The following SPATA16 variants were observed in gnomAD, a reference collection of about 807,000 sequenced individuals.
SPATA16 encodes spermatogenesis associated 16.
In SPATA16, 36 loss-of-function variants were observed where a neutral mutation model predicts 63.3. The observed-to-expected ratio is 0.57, with a 90% CI of 0.44 to 0.75. The LOEUF (loss-of-function observed/expected upper bound fraction) is 0.75, where lower values mean the gene tolerates loss of function less well. Among genes scored for constraint, SPATA16 ranks in the 30% least tolerant of loss-of-function variants. The pLI, the probability that SPATA16 is intolerant of heterozygous loss-of-function variation, is 0.00. For missense variants in SPATA16, 646 were observed against 679.3 expected, an observed-to-expected ratio of 0.95 and a Z score of 0.54; for synonymous variants, 203 against 216.7, an observed-to-expected ratio of 0.94 and a Z score of 0.56.
chr3:173,088,006 C>CTTT (rs1229811282), intron 2 of SPATA16, among the ~76,000 whole-genome samples: 2 of 132,918 alleles, frequency 1.5e-5, no homozygotes, highest in African/African-American at 3.5e-5. Flanking sequence ...CATTTTCTTT[C>CTTT]CGTCTTTCTT....
intron 2 of SPATA16, among the ~76,000 whole-genome samples, chr3:173,088,983 C>T (rs1056406674): frequency 2.6e-5 from 4 of 152,100 alleles, no homozygotes. Context: ...TCAAAGCTGT[C>T]CAAGGATGAA....
chr3:173,005,001 TG>T (rs1246871946), intron 4 of SPATA16, among the ~76,000 whole-genome samples: 1 of 152,234 alleles, frequency 6.6e-6, no homozygotes, highest in Non-Finnish European at 1.5e-5. Flanking sequence ...TATGCTTAAT[TG>T]GTTCTCTACA....
chr3:173,119,657 T>A (rs555013430), intron 1 of SPATA16, among the ~76,000 whole-genome samples: 8 of 152,304 alleles, frequency 5.3e-5, no homozygotes, highest in African/African-American at 1.9e-4. Flanking sequence ...AACATTTAAG[T>A]TTGAAATTTT....
intron 2 of SPATA16, among the ~76,000 whole-genome samples, chr3:173,059,331 A>T (rs1368376002): frequency 4.6e-5 from 6 of 129,096 alleles, no homozygotes; most frequent in South Asian, 2.5e-4. Flanking sequence ...TAGTTCTTTT[A>T]CTAATGTCTT....
At chr3:173,069,866 C>T (rs749537374) in intron 2 of SPATA16, among the ~76,000 whole-genome samples, 2 of 151,918 alleles carry the variant, frequency 1.3e-5, no homozygotes, top group Non-Finnish European at 2.9e-5. Flanking sequence ...ACCATATCAA[C>T]TTAATAAAGG....
intron 4 of SPATA16, among the ~76,000 whole-genome samples, chr3:173,008,528 C>A (rs4510406): frequency 0.35 from 52,701 of 152,016 alleles, 11,370 homozygotes; most frequent in African/African-American, 0.59. Flanking sequence ...AATGATATTA[C>A]TTGTTTAAAA....
intron 6 of SPATA16, among the ~76,000 whole-genome samples, chr3:172,946,226 GGCA>G (rs1733283313): frequency 6.6e-6 from 1 of 152,172 alleles, no homozygotes; most frequent in African/African-American, 2.4e-5. Context: ...GTACTCACCG[GGCA>G]CCTTGGGTGA....
At chr3:173,105,745 CTTCCTCCCTCCCTCTT>C (rs1438084001) in intron 2 of SPATA16, among the ~76,000 whole-genome samples, 1 of 151,782 alleles carries the variant, frequency 6.6e-6, no homozygotes. Context: ...GCAAATTTTC[CTTCCTCCCTCCCTCTT>C]TTCCTCCCTC....
intron 10 of SPATA16, among the ~76,000 whole-genome samples, 185 bp from the exon 11 acceptor site, chr3:172,889,877 T>C (rs1305977053): frequency 1.3e-5 from 2 of 152,214 alleles, no homozygotes; most frequent in Non-Finnish European, 2.9e-5. Context: ...CTCCCTGTTT[T>C]ACTAACTTAA....
At chr3:172,951,901 C>T (rs1733442752) in intron 6 of SPATA16, among the ~76,000 whole-genome samples, 1 of 152,168 alleles carries the variant, frequency 6.6e-6, no homozygotes, top group African/African-American at 2.4e-5. Context: ...ACTCTTCATC[C>T]AAAATCTTCA....
chr3:173,122,971 C>A (rs1368087221), intron 1 of SPATA16, among the ~76,000 whole-genome samples: 1 of 152,170 alleles, frequency 6.6e-6, no homozygotes, highest in Non-Finnish European at 1.5e-5. Context: ...AATGGACATA[C>A]TTCTGTAAGA....
intron 2 of SPATA16, among the ~76,000 whole-genome samples, chr3:173,073,627 T>C (rs1736723347): frequency 6.6e-6 from 1 of 152,158 alleles, no homozygotes; most frequent in African/African-American, 2.4e-5. Context: ...TTAGAGGATG[T>C]ATGGAAATGC....
intron 1 of SPATA16, among the ~76,000 whole-genome samples, chr3:173,120,087 C>T (rs935356323): frequency 8.1e-6 from 1 of 122,704 alleles, no homozygotes; most frequent in African/African-American, 2.8e-5. Flanking sequence ...AACTCCATCT[C>T]AAAAAAAAAA....
At chr3:173,091,368 G>A (rs1390565911) in intron 2 of SPATA16, among the ~76,000 whole-genome samples, 1 of 151,138 alleles carries the variant, frequency 6.6e-6, no homozygotes, top group Non-Finnish European at 1.5e-5. Context: ...GTCATTACTT[G>A]CTCTTCCAAT....
chr3:173,062,630 G>A (rs1283962371), intron 2 of SPATA16, among the ~76,000 whole-genome samples: 1 of 152,138 alleles, frequency 6.6e-6, no homozygotes, highest in Non-Finnish European at 1.5e-5. Flanking sequence ...CAGGTTTGCT[G>A]TCTCATTTAG....
chr3:172,936,716 TA>T (rs949607479), intron 6 of SPATA16, among the ~76,000 whole-genome samples: 20 of 152,228 alleles, frequency 1.3e-4, no homozygotes, highest in African/African-American at 3.4e-4. Flanking sequence ...TTTATTTATT[TA>T]TTTTTTTTGA....
chr3:172,926,519 T>C (rs1732741191), intron 6 of SPATA16, among the ~76,000 whole-genome samples: 1 of 152,208 alleles, frequency 6.6e-6, no homozygotes, highest in South Asian at 2.1e-4. Context: ...AGATGGGAAG[T>C]AACTTGCCCA....
intron 10 of SPATA16, among the ~76,000 whole-genome samples, chr3:172,911,354 G>T (rs192074562): frequency 1.2e-4 from 18 of 152,274 alleles, no homozygotes; most frequent in Non-Finnish European, 2.4e-4. Flanking sequence ...GCACCTTCTA[G>T]TGGGGAGTCT....
intron 7 of SPATA16, among the ~76,000 whole-genome samples, chr3:172,924,990 T>C (rs1732695028): frequency 6.6e-6 from 1 of 152,162 alleles, no homozygotes. Flanking sequence ...ATACAAGTAA[T>C]TTAAGATTGT....
Sources: allele counts gnomAD v4.1 joint callset (sites outside exome capture counted in the v4.1 genomes callset), GRCh38; gene constraint gnomAD v4.1.1; transcripts MANE v1.5; gene names NCBI Gene and HGNC (gene_info 2026-07-23, HGNC 2026-07-21).